Variants in CADPS observed in about 807,000 individuals in gnomAD.
The protein encoded by CADPS is calcium-dependent secretion activator 1.
In CADPS, 57 loss-of-function variants were observed where a neutral mutation model predicts 167.3. The observed-to-expected ratio is 0.34, with a 90% confidence interval of 0.28 to 0.42. The LOEUF (loss-of-function observed/expected upper bound fraction) is 0.42. Ranked by LOEUF, CADPS falls within the 20% of genes least tolerant of loss-of-function variation. The pLI, the probability that CADPS is intolerant of heterozygous loss-of-function variation, is 1.00. For synonymous variants in CADPS, 676 were observed against 635.3 expected (o/e 1.06, Z -0.96); for missense variants, 1,414 against 1,738.1 (o/e 0.81, Z 3.32).
intron 1 of CADPS, among the ~76,000 whole-genome samples, chr3:62,859,746 C>T (rs1192747066): frequency 6.6e-6 from 1 of 152,226 alleles, no homozygotes; most frequent in Non-Finnish European, 1.5e-5. Context: ...TGTTTCTAAT[C>T]TGGCCATGGA....
intron 7 of CADPS, among the ~76,000 whole-genome samples, chr3:62,586,383 C>G (rs144422613): frequency 1.5e-3 from 231 of 152,186 alleles, no homozygotes; most frequent in African/African-American, 5.4e-3. Flanking sequence ...ACACTCTGGC[C>G]TTCTAGATGC....
chr3:62,502,849 G>A (rs541172368), intron 17 of CADPS, among the ~76,000 whole-genome samples: 3 of 152,086 alleles, frequency 2.0e-5, no homozygotes, highest in Non-Finnish European at 4.4e-5. Context: ...AGCTGCTTGG[G>A]TAGGTGAAGA....
At chr3:62,426,278 G>A (rs1014017963) in intron 28 of CADPS, among the ~76,000 whole-genome samples, 1 of 152,182 alleles carries the variant, frequency 6.6e-6, no homozygotes, top group Admixed American at 6.5e-5. Context: ...AGCCTCTGGA[G>A]TAGCTGGGAT....
chr3:62,831,485 G>T (rs1000488217), intron 1 of CADPS, among the ~76,000 whole-genome samples: 3 of 152,112 alleles, frequency 2.0e-5, no homozygotes, highest in Non-Finnish European at 4.4e-5. Flanking sequence ...CTAAAACCTG[G>T]ACTGCTGGCA....
At chr3:62,840,041 A>G (rs304186) in intron 1 of CADPS, among the ~76,000 whole-genome samples, 127,069 of 152,076 alleles carry the variant, frequency 0.84, 53,264 homozygotes, top group Middle Eastern at 0.9. Flanking sequence ...GACATATTGA[A>G]TGAATCCAGA....
chr3:62,770,684 C>T (rs755369759), intron 1 of CADPS, among the ~76,000 whole-genome samples: 3 of 152,142 alleles, frequency 2.0e-5, no homozygotes, highest in Non-Finnish European at 4.4e-5. Context: ...CCTTGGCCTC[C>T]CAAAGTGCTG....
intron 18 of CADPS, among the ~76,000 whole-genome samples, chr3:62,494,669 A>ATCTTTTT (rs2064337493): frequency 8.4e-6 from 1 of 118,618 alleles, no homozygotes; most frequent in African/African-American, 3.4e-5. Flanking sequence ...CTTACCAGCA[A>ATCTTTTT]TTTTTTTTTT....
intron 6 of CADPS, among the ~76,000 whole-genome samples, chr3:62,642,074 G>A (rs563333544): frequency 5.1e-4 from 76 of 148,996 alleles, no homozygotes; most frequent in African/African-American, 1.7e-3. Context: ...GACAAATTGG[G>A]TTATGTTATG....
At chr3:62,685,077 T>C (rs555094118) in intron 3 of CADPS, among the ~76,000 whole-genome samples, 1 of 152,122 alleles carries the variant, frequency 6.6e-6, no homozygotes, top group South Asian at 2.1e-4. Flanking sequence ...TCGCTATCAA[T>C]GAAAGATAGT....
chr3:62,508,864 C>CA (rs1340568458), intron 17 of CADPS, among the ~76,000 whole-genome samples: 1 of 151,874 alleles, frequency 6.6e-6, no homozygotes, highest in Non-Finnish European at 1.5e-5. Context: ...TTAACACATC[C>CA]TTTTTTTTCC....
At chr3:62,800,413 G>A (rs1157818711) in intron 1 of CADPS, among the ~76,000 whole-genome samples, 1 of 151,960 alleles carries the variant, frequency 6.6e-6, no homozygotes, top group African/African-American at 2.4e-5. Flanking sequence ...CCCTTTGAAG[G>A]TACTAATCAT....
rs748835245 is a variant in CADPS at position 62,874,963 on chromosome 3, C to A, written c.67G>T (p.Val23Leu). The change falls in exon 1 of 30, where the codon GTG (valine) becomes TTG (leucine). Residue 23 changes from valine (V) to leucine (L), a missense_variant. Coordinates refer to ENST00000383710, the MANE Select transcript of CADPS (RefSeq NM_003716.4). The surrounding 1 kb of genome is among the most constrained non-coding windows in gnomAD (Gnocchi z 7.1). ...EIVEEESGKEVLGSAPSGARL... is the reference protein window; with the variant it reads ...EIVEEESGKELLGSAPSGARL... ...GCGCCGGACGGGGCCGAGCCGAGCA[C>A]CTCCTTGCCGCTCTCCTCCTCCACG... The A allele has an allele frequency of 6.3e-7, 1 of 1,589,122 alleles. No individual in the cohort carries two copies. The highest frequency in any genetic ancestry group is 1.4e-5 in the African/African-American group (1 of 71,958).
At chr3:62,783,473 C>T (rs1016700906) in intron 1 of CADPS, among the ~76,000 whole-genome samples, 2 of 152,080 alleles carry the variant, frequency 1.3e-5, no homozygotes, top group Non-Finnish European at 2.9e-5. Flanking sequence ...GATGTGTTAG[C>T]GGTCCTGGGA....
intron 1 of CADPS, among the ~76,000 whole-genome samples, chr3:62,809,032 A>G (rs1488744468): frequency 1.3e-5 from 2 of 152,054 alleles, no homozygotes; most frequent in Non-Finnish European, 2.9e-5. Context: ...CCTTCACTTA[A>G]TCCATCGTCA....
intron 26 of CADPS, among the ~76,000 whole-genome samples, chr3:62,463,837 C>A (rs1236062010): frequency 6.6e-6 from 1 of 152,164 alleles, no homozygotes; most frequent in African/African-American, 2.4e-5. Context: ...CCAATAAGCT[C>A]CAGGGATAGG....
At chr3:62,516,752 T>C (rs532047402) in intron 14 of CADPS, 109 bp from the exon 15 acceptor site, 21 of 749,518 alleles carry the variant, frequency 2.8e-5, no homozygotes, top group Non-Finnish European at 3.7e-5. Context: ...AAAATGCTTT[T>C]TATTTTGTCA....
chr3:62,721,134 TAAAAAAA>T (rs71631127), intron 3 of CADPS, among the ~76,000 whole-genome samples: 3 of 116,218 alleles, frequency 2.6e-5, no homozygotes, highest in African/African-American at 1.0e-4. Flanking sequence ...TTTTTTTTTT[TAAAAAAA>T]AAAAGAAGAA....
intron 6 of CADPS, among the ~76,000 whole-genome samples, chr3:62,642,133 CA>C (rs2067558764): frequency 6.6e-6 from 1 of 150,778 alleles, no homozygotes; most frequent in Non-Finnish European, 1.5e-5. Context: ...AGACAACAGC[CA>C]AATTCCTTGT....
chr3:62,581,513 CA>C (rs1012036096), intron 8 of CADPS, among the ~76,000 whole-genome samples: 15 of 148,862 alleles, frequency 1.0e-4, no homozygotes, highest in African/African-American at 3.7e-4. Flanking sequence ...CCCACCTCTA[CA>C]AATTTTTTTA....
Sources: allele counts gnomAD v4.1 joint callset (sites outside exome capture counted in the v4.1 genomes callset), GRCh38; gene constraint gnomAD v4.1.1; non-coding constraint Gnocchi (gnomAD v3.1); transcripts MANE v1.5; gene names NCBI Gene and HGNC (gene_info 2026-07-23, HGNC 2026-07-21).